The following GREM1 variants were observed in gnomAD, a reference collection of about 807,000 sequenced individuals.
The protein encoded by GREM1 is gremlin 1, DAN family BMP antagonist.
A neutral mutation model predicts 13.1 loss-of-function variants in GREM1; 6 were observed. The ratio of observed to expected loss-of-function variants is 0.46; its 90% confidence interval spans 0.25 to 0.91. The LOEUF is 0.91. Among genes scored for constraint, GREM1 ranks in the 40% least tolerant of loss-of-function variants. GREM1 has a pLI of 0.18. For missense variants in GREM1, 185 were observed against 233.9 expected, an observed-to-expected ratio of 0.79 and a Z score of 1.36; for synonymous variants, 98 against 93.7, an observed-to-expected ratio of 1.05 and a Z score of -0.27.
At position 32,733,012 on chromosome 15, in the gene GREM1, C is replaced by T. The variant is rs958761133; in HGVS notation, c.*1767C>T. On this transcript the variant is annotated 3_prime_UTR_variant, in exon 2 of 2. Transcript: ENST00000651154. ...GCAACTCGAGAAGCTGTTTTTATTT[C>T]GTTTTTGTTTTGATCCAGTGCTCTC... 2.2e-5 allele frequency: 5 copies of T among 226,178 alleles called. No individual in the cohort carries two copies. The highest frequency in any genetic ancestry group is 9.1e-5 in the African/African-American group (4 of 44,194). The allele number at this position is 226,178 out of a possible 1,614,324, so 14.0% of individuals were successfully genotyped here.
intron 1 of GREM1, among the ~76,000 whole-genome samples, chr15:32,722,924 C>T (rs2055433901): frequency 6.6e-6 from 1 of 152,140 alleles, no homozygotes; most frequent in Non-Finnish European, 1.5e-5. Flanking sequence ...AGAAGATATA[C>T]TGTCTGCAAA....
chr15:32,740,494 CA>C lies in GREM1; in HGVS notation c.*9250del, dbSNP rs772326237. 20 of 151,734 alleles carry C rather than the reference CA, an allele frequency of 1.3e-4. No homozygotes were observed. The highest frequency in any genetic ancestry group is 2.5e-4 in the Non-Finnish European group (17 of 67,944). The allele number at this position is 151,734 out of a possible 1,614,324, so 9.4% of individuals were successfully genotyped here. A position where few individuals can be genotyped will look rare whatever the true frequency, so the allele number is the denominator to read the frequency against. The stretch of plus-strand genomic sequence containing the variant: ...GACATCAACAGGAGACAAGATTAAT[CA>C]GAAGAAAGAATCAATGAACTTGAAG... On this transcript the variant is annotated 3_prime_UTR_variant, in exon 2 of 2. Transcript: ENST00000651154.
chr15:32,718,748 G>A (rs1199007764), intron 1 of GREM1: 2 of 321,216 alleles, frequency 6.2e-6, no homozygotes, highest in East Asian at 8.1e-5. Flanking sequence ...TTCAGCCACA[G>A]CGGAAAACCG....
rs898495617 is a variant in GREM1, at chr15:32,743,098, G to C, written c.*11853G>C. ...ATCTATGGAACAGAAGACACGGGGT[G>C]ACATGAGACCACTTTGGCAAATCAG... On this transcript the variant is annotated 3_prime_UTR_variant, in exon 2 of 2. Transcript: ENST00000651154. 6.6e-6 allele frequency: 1 copy of C among 152,224 alleles called. No individual in the cohort carries two copies. Among genetic ancestry groups the C allele is most frequent in the Admixed American group, 6.5e-5 (1 of 15,286 alleles). 9.4% of individuals were successfully genotyped at this position (152,224 alleles called of 1,614,324 possible). A position where few individuals can be genotyped will look rare whatever the true frequency, so the allele number is the denominator to read the frequency against.
chr15:32,729,409 C>T (rs1430850470), intron 1 of GREM1, among the ~76,000 whole-genome samples: 1 of 152,104 alleles, frequency 6.6e-6, no homozygotes, highest in African/African-American at 2.4e-5. Context: ...CTCTTGCACT[C>T]TCCTTTTTAA....
chr15:32,720,240 G>A (rs2055382728), intron 1 of GREM1, among the ~76,000 whole-genome samples: 1 of 152,130 alleles, frequency 6.6e-6, no homozygotes, highest in Admixed American at 6.5e-5. Flanking sequence ...ATCCAGGTTG[G>A]CTAATGCGGT....
chr15:32,719,960 C>T (rs1290729643), intron 1 of GREM1, among the ~76,000 whole-genome samples: 1 of 152,066 alleles, frequency 6.6e-6, no homozygotes, highest in Non-Finnish European at 1.5e-5. Flanking sequence ...CTCACTGCCC[C>T]CCAAGCCAAG....
At position 32,722,102 on chromosome 15, in the gene GREM1, A is replaced by G. The variant is rs564982458; in HGVS notation, c.-2+3941A>G. 2.6e-5 allele frequency among the ~76,000 whole-genome samples: 4 copies of G among 152,338 alleles called. No individual in the cohort carries two copies. In the South Asian group the frequency reaches 8.3e-4, roughly 32 times the overall value. ...CTTTATCCTCTACCTGTCTGCCAAC[A>G]AGGGATTCTTCTTATCTCCTTGGTG... On this transcript the variant is annotated intron_variant, in intron 1 of 1. Transcript: ENST00000651154.
At position 32,737,954 on chromosome 15, in the gene GREM1, A is replaced by G. The variant is rs2055717031; in HGVS notation, c.*6709A>G. The G allele has an allele frequency of 6.7e-6, 1 of 148,434 alleles. No homozygotes were observed. 9.2% of individuals were successfully genotyped at this position (148,434 alleles called of 1,614,324 possible). A position where few individuals can be genotyped will look rare whatever the true frequency, so the allele number is the denominator to read the frequency against. On this transcript the variant is annotated 3_prime_UTR_variant, in exon 2 of 2. Coordinates refer to ENST00000651154, the MANE Select transcript of GREM1 (RefSeq NM_013372.7). ...AAAAAAAAAAAAAAAAAGAAAAGAAAAACCCACAGCTAACATCATACTTAA... is the reference window on the plus strand; with the variant it reads ...AAAAAAAAAAAAAAAAAGAAAAGAAGAACCCACAGCTAACATCATACTTAA...
rs1320312212 is a variant in GREM1, at chr15:32,732,141, T to G, written c.*896T>G. On this transcript the variant is annotated 3_prime_UTR_variant, in exon 2 of 2. Transcript: ENST00000651154. ...AACATAAATACTGACCACTCCTATG[T>G]TCGGACCCAAGCAAGTTAGCTAAAC... 1 of 243,348 alleles carries G rather than the reference T, an allele frequency of 4.1e-6. No homozygotes were observed. Among genetic ancestry groups the G allele is most frequent in the Non-Finnish European group, 8.7e-6 (1 of 115,192 alleles). 15.1% of individuals were successfully genotyped at this position (243,348 alleles called of 1,614,324 possible).
intron 1 of GREM1, among the ~76,000 whole-genome samples, chr15:32,720,107 G>A (rs2055380862): frequency 6.6e-6 from 1 of 152,056 alleles, no homozygotes; most frequent in Non-Finnish European, 1.5e-5. Context: ...GTGTGTGTGT[G>A]TTTAACCTCC....
chr15:32,721,207 T>C (rs1373110835), intron 1 of GREM1, among the ~76,000 whole-genome samples: 3 of 152,138 alleles, frequency 2.0e-5, no homozygotes, highest in East Asian at 1.9e-4. Context: ...TTCCCACTTA[T>C]GAGCTGTGTG....
Position 32,731,483 on chromosome 15 carries a change from C to T in GREM1, c.*238C>T, listed in dbSNP as rs1020914576. 1.7e-6 allele frequency: 1 copy of T among 573,900 alleles called. No homozygotes were observed. The highest frequency in any genetic ancestry group is 1.9e-5 in the African/African-American group (1 of 53,140). The allele number at this position is 573,900 out of a possible 1,614,324, so 35.6% of individuals were successfully genotyped here. On this transcript the variant is annotated 3_prime_UTR_variant, in exon 2 of 2. Transcript: ENST00000651154. The stretch of plus-strand genomic sequence containing the variant: ...TAGAGAGCACTCCCTATTTTGTAAA[C>T]ATATCTGCTTTAATGGGGATGTACC...
rs1281549050 is a variant in GREM1 at position 32,739,132 on chromosome 15, C to T, written c.*7887C>T. On this transcript the variant is annotated 3_prime_UTR_variant, in exon 2 of 2. Transcript: ENST00000651154. Reference sequence around the variant, plus strand: ...TAAAATAATTTCAATTTTCAGATGACATAATATTGTATGTAGAAATCCTAA... The same window carrying T: ...TAAAATAATTTCAATTTTCAGATGATATAATATTGTATGTAGAAATCCTAA... 1 of 152,162 alleles carries T rather than the reference C, an allele frequency of 6.6e-6. No homozygotes were observed. The highest frequency in any genetic ancestry group is 1.5e-5 in the Non-Finnish European group (1 of 68,042). 9.4% of individuals were successfully genotyped at this position (152,162 alleles called of 1,614,324 possible).
intron 1 of GREM1, among the ~76,000 whole-genome samples, chr15:32,719,474 C>G (rs534713182): frequency 2.0e-5 from 3 of 152,310 alleles, no homozygotes; most frequent in Admixed American, 6.5e-5. Flanking sequence ...GCCTTCCCCT[C>G]CTCGACCGAC....
At chr15:32,726,775 G>A (rs2055514715) in intron 1 of GREM1, among the ~76,000 whole-genome samples, 1 of 149,640 alleles carries the variant, frequency 6.7e-6, no homozygotes, top group South Asian at 2.1e-4. Flanking sequence ...AAGGAGAAAA[G>A]AGAGAAGAAT....
chr15:32,730,854 C>T lies in GREM1; in HGVS notation c.164C>T (p.Ser55Phe). ...EQTQSPQQPG[S>F]RNRGRGQGRG... Reference sequence around the variant, plus strand: ...ACTCAGTCGCCCCAGCAGCCTGGCTCCAGGAACCGGGGGCGGGGCCAAGGG... The same window carrying T: ...ACTCAGTCGCCCCAGCAGCCTGGCTTCAGGAACCGGGGGCGGGGCCAAGGG... The change falls in exon 2 of 2, where the codon TCC becomes TTC. Residue 55 changes from serine to phenylalanine, a missense_variant. Coordinates refer to ENST00000651154, the MANE Select transcript of GREM1 (RefSeq NM_013372.7). The T allele has an allele frequency of 5.0e-6, 8 of 1,613,688 alleles. No individual in the cohort carries two copies. Among genetic ancestry groups the T allele is most frequent in the South Asian group, 2.2e-5 (2 of 91,046 alleles).
chr15:32,731,095 AG>A lies in GREM1; in HGVS notation c.407del (p.Gly136ValfsTer17). ...YIPRHIRKEE[G>X]SFQSCSFCKP... ...TCCCCAGGCACATCCGGAAGGAGGA[AG>A]GTTCCTTTCAGTCCTGCTCCTTCTG... On this transcript the variant is annotated frameshift_variant, in exon 2 of 2. Coordinates refer to ENST00000651154, the MANE Select transcript of GREM1 (RefSeq NM_013372.7). LOFTEE classifies it high-confidence loss of function. 6.2e-7 allele frequency: 1 copy of A among 1,614,208 alleles called. No individual in the cohort carries two copies. The highest frequency in any genetic ancestry group is 8.5e-7 in the Non-Finnish European group (1 of 1,180,034).
chr15:32,736,972 A>G lies in GREM1; in HGVS notation c.*5727A>G, dbSNP rs1342822737. ...CATACTCTCTTGGGGTGTGTGTAAC[A>G]TCATCAGTCTCAGCATCTAAACCAA... On this transcript the variant is annotated 3_prime_UTR_variant, in exon 2 of 2. Coordinates refer to ENST00000651154, the MANE Select transcript of GREM1 (RefSeq NM_013372.7). 6.6e-6 allele frequency: 1 copy of G among 152,228 alleles called. No homozygotes were observed. The highest frequency in any genetic ancestry group is 1.5e-5 in the Non-Finnish European group (1 of 68,042). The allele number at this position is 152,228 out of a possible 1,614,324, so 9.4% of individuals were successfully genotyped here. A position where few individuals can be genotyped will look rare whatever the true frequency, so the allele number is the denominator to read the frequency against.
Sources: gnomAD v4.1 joint callset for allele counts (sites outside exome capture counted in the v4.1 genomes callset) on GRCh38, gnomAD v4.1.1 for gene constraint, MANE v1.5 for transcripts, NCBI Gene and HGNC (gene_info 2026-07-23, HGNC 2026-07-21) for gene names.